Variants in DLG2 observed in about 807,000 individuals in gnomAD.
The protein encoded by DLG2 is disks large homolog 2.
DLG2 carries 45 observed loss-of-function variants against 132.5 expected under a neutral mutation model. The ratio of observed to expected loss-of-function variants is 0.34; its 90% CI spans 0.27 to 0.44. The LOEUF is 0.44. Ranked by LOEUF, DLG2 falls within the 20% of genes least tolerant of loss-of-function variation. The probability of loss-of-function intolerance (pLI) is 1.00; values close to 1 mark genes in which losing one functional copy is unlikely to be tolerated. For synonymous variants in DLG2, 424 were observed against 419.6 expected (o/e 1.01, Z -0.13); for missense variants, 1,045 against 1,196.9 (o/e 0.87, Z 1.87).
chr11:85,164,526 G>A (rs2078283461), intron 4 of DLG2, among the ~76,000 whole-genome samples: 1 of 152,020 alleles, frequency 6.6e-6, no homozygotes, highest in Admixed American at 6.6e-5. Flanking sequence ...TGCTCTCATA[G>A]AAATAGTAAA....
chr11:83,914,303 T>C (rs1410959648), intron 15 of DLG2, among the ~76,000 whole-genome samples: 2 of 152,182 alleles, frequency 1.3e-5, no homozygotes, highest in Non-Finnish European at 2.9e-5. Flanking sequence ...CATGTGATCC[T>C]GGCTCCCCTC....
intron 18 of DLG2, among the ~76,000 whole-genome samples, chr11:83,710,820 T>C (rs900159823): frequency 2.0e-5 from 3 of 152,188 alleles, no homozygotes; most frequent in African/African-American, 4.8e-5. Context: ...AATGGGTTCA[T>C]ATAAATATAC....
At chr11:85,367,273 A>G (rs538689978) in intron 3 of DLG2, among the ~76,000 whole-genome samples, 13 of 152,262 alleles carry the variant, frequency 8.5e-5, no homozygotes, top group Non-Finnish European at 1.5e-4. Flanking sequence ...ACTGCTCTGA[A>G]AGCAGATTGC....
At chr11:84,299,562 C>G (rs933849467) in intron 7 of DLG2, among the ~76,000 whole-genome samples, 13 of 152,032 alleles carry the variant, frequency 8.6e-5, no homozygotes, top group African/African-American at 2.4e-4. Context: ...AATTGTAAAA[C>G]AGGTTTGAGT....
chr11:85,053,108 C>A (rs980107435), intron 6 of DLG2, among the ~76,000 whole-genome samples: 1 of 152,104 alleles, frequency 6.6e-6, no homozygotes, highest in Non-Finnish European at 1.5e-5. Flanking sequence ...GCAGTGACAT[C>A]CTAGCTAATC....
chr11:83,951,286 C>T (rs1226328700), intron 14 of DLG2, among the ~76,000 whole-genome samples: 2 of 151,962 alleles, frequency 1.3e-5, no homozygotes, highest in African/African-American at 2.4e-5. Flanking sequence ...TATATATGTT[C>T]CAGGCACTCT....
chr11:84,605,498 T>C (rs1039580599), intron 6 of DLG2, among the ~76,000 whole-genome samples: 2 of 151,062 alleles, frequency 1.3e-5, no homozygotes, highest in African/African-American at 4.9e-5. Context: ...GCCACATTAC[T>C]TTAATTCACA....
intron 3 of DLG2, among the ~76,000 whole-genome samples, chr11:85,462,084 A>C (rs2092634147): frequency 6.6e-6 from 1 of 152,250 alleles, no homozygotes; most frequent in Non-Finnish European, 1.5e-5. Context: ...AGAAATGCAA[A>C]TCAAAACCAC....
chr11:83,846,561 A>G (rs917588200), intron 16 of DLG2, among the ~76,000 whole-genome samples: 2 of 152,188 alleles, frequency 1.3e-5, no homozygotes, highest in Non-Finnish European at 2.9e-5. Flanking sequence ...TGAGGCTGTA[A>G]CATAAGGTCT....
chr11:84,022,765 G>A (rs942262785), intron 11 of DLG2, among the ~76,000 whole-genome samples: 15 of 152,124 alleles, frequency 9.9e-5, no homozygotes, highest in African/African-American at 3.6e-4. Flanking sequence ...GTGGGAAGTA[G>A]ACTGCAAAAC....
intron 6 of DLG2, among the ~76,000 whole-genome samples, chr11:85,001,182 C>T (rs2058174045): frequency 2.0e-5 from 3 of 151,774 alleles, no homozygotes; most frequent in South Asian, 2.1e-4. Flanking sequence ...CAGCCTCGAT[C>T]TCCCACGTTC....
chr11:85,276,660 G>C (rs1480193885), intron 4 of DLG2, among the ~76,000 whole-genome samples: 1 of 152,086 alleles, frequency 6.6e-6, no homozygotes, highest in Non-Finnish European at 1.5e-5. Flanking sequence ...CTAGGACTAA[G>C]CATCTTTTCA....
At chr11:85,340,496 G>C (rs1243464731) in intron 3 of DLG2, among the ~76,000 whole-genome samples, 1 of 152,160 alleles carries the variant, frequency 6.6e-6, no homozygotes, top group Non-Finnish European at 1.5e-5. Context: ...TTGGGCGGGT[G>C]GGGGCTGGGG....
chr11:83,563,824 A>G (rs2096656354), intron 19 of DLG2, among the ~76,000 whole-genome samples: 1 of 152,170 alleles, frequency 6.6e-6, no homozygotes, highest in Non-Finnish European at 1.5e-5. Context: ...TATTTACCAA[A>G]TGTTTGGCAT....
chr11:84,484,627 C>T (rs1326330646), intron 7 of DLG2, among the ~76,000 whole-genome samples: 1 of 152,136 alleles, frequency 6.6e-6, no homozygotes, highest in Non-Finnish European at 1.5e-5. Context: ...CCAGCAGTAT[C>T]TTGTAAGCTT....
chr11:83,788,574 G>C (rs2040649539), intron 17 of DLG2, among the ~76,000 whole-genome samples: 1 of 152,246 alleles, frequency 6.6e-6, no homozygotes, highest in Non-Finnish European at 1.5e-5. Context: ...TTCAGAGACT[G>C]TCTAGGCTAT....
At chr11:85,280,103 T>A (rs1188138438) in intron 4 of DLG2, among the ~76,000 whole-genome samples, 3 of 152,076 alleles carry the variant, frequency 2.0e-5, no homozygotes, top group Non-Finnish European at 1.5e-5. Context: ...CAAAATTCCT[T>A]TTTCAAAGCA....
chr11:85,150,266 C>T lies in DLG2; in HGVS notation c.282+4290G>A, dbSNP rs183366577. Among the ~76,000 whole-genome samples the T allele has an allele frequency of 6.4e-3, 980 of 152,026 alleles. 11 individuals carry two copies. Among genetic ancestry groups the T allele is most frequent in the African/African-American group, 0.022 (894 of 41,450 alleles). Reference sequence around the variant, plus strand: ...CGATCTCCTGACCTCGTGATCCGCCCGTCTCAGCCTCCCAAAGTACTGGGA... The same window carrying T: ...CGATCTCCTGACCTCGTGATCCGCCTGTCTCAGCCTCCCAAAGTACTGGGA... On this transcript the variant is annotated intron_variant, in intron 5 of 27. Coordinates refer to ENST00000376104, the MANE Select transcript of DLG2 (RefSeq NM_001142699.3).
At chr11:84,746,443 T>TG (rs1555200997) in intron 6 of DLG2, among the ~76,000 whole-genome samples, 1 of 145,032 alleles carries the variant, frequency 6.9e-6, no homozygotes, top group Non-Finnish European at 1.5e-5. Flanking sequence ...TAGACTTGAT[T>TG]AAAAAAAAAA....
Sources: gnomAD v4.1 joint callset for allele counts (sites outside exome capture counted in the v4.1 genomes callset) on GRCh38, gnomAD v4.1.1 for gene constraint, MANE v1.5 for transcripts, NCBI Gene and HGNC (gene_info 2026-07-23, HGNC 2026-07-21) for gene names.